Variants in PDSS2 observed in about 807,000 individuals in gnomAD.
PDSS2 encodes the protein all trans-polyprenyl-diphosphate synthase PDSS2.
Under a neutral mutation model 44.5 loss-of-function variants are expected in PDSS2, and 31 were observed. That is an observed-to-expected ratio of 0.70 (90% CI 0.52 to 0.94). PDSS2 has a LOEUF of 0.94. PDSS2 is among the 40% of genes least tolerant of loss of function. The probability of loss-of-function intolerance (pLI) is 0.00; values close to 1 mark genes in which losing one functional copy is unlikely to be tolerated. For missense variants in PDSS2, 452 were observed against 482.2 expected, an observed-to-expected ratio of 0.94 and a Z score of 0.59; for synonymous variants, 157 against 180.3, an observed-to-expected ratio of 0.87 and a Z score of 1.03.
intron 1 of PDSS2, among the ~76,000 whole-genome samples, chr6:107,393,031 A>G (rs955505835): frequency 6.6e-6 from 1 of 151,726 alleles, no homozygotes; most frequent in African/African-American, 2.4e-5. Flanking sequence ...ATTTTTCTCT[A>G]TATTTTGTCT....
At chr6:107,216,456 G>A (rs1224880082) in intron 4 of PDSS2, among the ~76,000 whole-genome samples, 1 of 152,122 alleles carries the variant, frequency 6.6e-6, no homozygotes, top group Non-Finnish European at 1.5e-5. Context: ...CTGGACAACA[G>A]AGCCAGACTC....
At chr6:107,275,155 G>C (rs1363735748) in intron 2 of PDSS2, among the ~76,000 whole-genome samples, 1 of 152,016 alleles carries the variant, frequency 6.6e-6, no homozygotes, top group Non-Finnish European at 1.5e-5. Context: ...TTATTACACG[G>C]GAATTTCAGC....
chr6:107,448,708 C>G (rs565380264), intron 1 of PDSS2, among the ~76,000 whole-genome samples: 2 of 152,310 alleles, frequency 1.3e-5, no homozygotes, highest in South Asian at 4.1e-4. Context: ...ATCTTTATAG[C>G]AGCACCCCAC....
At chr6:107,180,120 T>C (rs772767568) in intron 7 of PDSS2, among the ~76,000 whole-genome samples, 6 of 152,198 alleles carry the variant, frequency 3.9e-5, no homozygotes, top group Non-Finnish European at 7.3e-5. Flanking sequence ...TAGTGTTCCC[T>C]TCAGATCCAC....
At chr6:107,282,217 A>T (rs1453746048) in intron 2 of PDSS2, among the ~76,000 whole-genome samples, 1 of 152,086 alleles carries the variant, frequency 6.6e-6, no homozygotes, top group East Asian at 1.9e-4. Flanking sequence ...CCATTAATGT[A>T]TAAAGGCTAT....
At chr6:107,275,960 A>C (rs188374648) in intron 2 of PDSS2, among the ~76,000 whole-genome samples, 4 of 152,098 alleles carry the variant, frequency 2.6e-5, no homozygotes, top group Admixed American at 6.6e-5. Context: ...CAAAAAATTA[A>C]AAAATAAAAA....
intron 2 of PDSS2, among the ~76,000 whole-genome samples, chr6:107,300,711 G>A (rs954106705): frequency 4.6e-5 from 7 of 152,176 alleles, no homozygotes; most frequent in African/African-American, 1.7e-4. Context: ...TTGTATGGGA[G>A]CTCTGTTTTC....
chr6:107,407,345 GA>G (rs1780352786), intron 1 of PDSS2, among the ~76,000 whole-genome samples: 1 of 152,246 alleles, frequency 6.6e-6, no homozygotes, highest in African/African-American at 2.4e-5. Context: ...AAAAAGTTCT[GA>G]AAATTAATAG....
chr6:107,296,526 G>A lies in PDSS2; in HGVS notation c.432-22299C>T, dbSNP rs143580838. On this transcript the variant is annotated intron_variant, in intron 2 of 7. Coordinates refer to ENST00000369037, the MANE Select transcript of PDSS2 (RefSeq NM_020381.4). ...GGATCACCTGAGGTCAGGAGTTTGAGACCAGCCTGGCCAATATAGTGAAAC... is the reference window on the plus strand; with the variant it reads ...GGATCACCTGAGGTCAGGAGTTTGAAACCAGCCTGGCCAATATAGTGAAAC... 2.9e-4 allele frequency among the ~76,000 whole-genome samples: 44 copies of A among 152,276 alleles called. No homozygotes were observed. The East Asian group carries it at 6.8e-3, about 23-fold the overall frequency.
At chr6:107,219,478 A>G (rs1322140278) in intron 4 of PDSS2, among the ~76,000 whole-genome samples, 1 of 151,832 alleles carries the variant, frequency 6.6e-6, no homozygotes, top group East Asian at 1.9e-4. Flanking sequence ...AGTAGAGACG[A>G]TTTTCGCTAT....
At chr6:107,197,499 AAAAG>A (rs1772608424) in intron 6 of PDSS2, among the ~76,000 whole-genome samples, 1 of 151,476 alleles carries the variant, frequency 6.6e-6, no homozygotes, top group Non-Finnish European at 1.5e-5. Flanking sequence ...AAAAAAAAAA[AAAAG>A]AAGTGTCAAA....
intron 1 of PDSS2, among the ~76,000 whole-genome samples, chr6:107,403,999 G>A (rs1408123646): frequency 6.6e-6 from 1 of 152,162 alleles, no homozygotes; most frequent in African/African-American, 2.4e-5. Flanking sequence ...CTTTTCTACA[G>A]CATCATCAGG....
At chr6:107,352,369 C>T (rs919280035) in intron 1 of PDSS2, among the ~76,000 whole-genome samples, 3 of 152,126 alleles carry the variant, frequency 2.0e-5, no homozygotes, top group Admixed American at 2.0e-4. Flanking sequence ...TATGGACTTC[C>T]TCCCATTTTT....
At chr6:107,333,034 T>C (rs1777761803) in intron 2 of PDSS2, among the ~76,000 whole-genome samples, 1 of 152,142 alleles carries the variant, frequency 6.6e-6, no homozygotes, top group Non-Finnish European at 1.5e-5. Context: ...GCAACAGTAA[T>C]CCCTAAATAT....
chr6:107,194,534 TG>T (rs1772487620), intron 6 of PDSS2, among the ~76,000 whole-genome samples: 1 of 152,240 alleles, frequency 6.6e-6, no homozygotes, highest in African/African-American at 2.4e-5. Context: ...AACTGAAAGT[TG>T]GGTCTGGAGA....
chr6:107,447,247 A>G (rs2114836833), intron 1 of PDSS2, among the ~76,000 whole-genome samples: 1 of 152,242 alleles, frequency 6.6e-6, no homozygotes, highest in East Asian at 1.9e-4. Flanking sequence ...GAGGCAGGAG[A>G]ATGGCGTGAA....
At chr6:107,215,277 A>G (rs1284797357) in intron 4 of PDSS2, among the ~76,000 whole-genome samples, 2 of 152,182 alleles carry the variant, frequency 1.3e-5, no homozygotes, top group Non-Finnish European at 2.9e-5. Context: ...CTGTAATCGT[A>G]GCAACTCAGG....
At chr6:107,293,860 C>A (rs1562441669) in intron 2 of PDSS2, among the ~76,000 whole-genome samples, 1 of 152,078 alleles carries the variant, frequency 6.6e-6, no homozygotes, top group Non-Finnish European at 1.5e-5. Flanking sequence ...CAGGCTTTTA[C>A]CTATGAATAC....
intron 1 of PDSS2, among the ~76,000 whole-genome samples, chr6:107,352,435 A>G (rs1335019097): frequency 6.6e-6 from 1 of 152,206 alleles, no homozygotes; most frequent in Admixed American, 6.5e-5. Context: ...CTCTTTTATG[A>G]ATATGTAATT....
Sources: gnomAD v4.1 joint callset for allele counts (sites outside exome capture counted in the v4.1 genomes callset) on GRCh38, gnomAD v4.1.1 for gene constraint, MANE v1.5 for transcripts, NCBI Gene and HGNC (gene_info 2026-07-23, HGNC 2026-07-21) for gene names.